The following WWC1 variants were observed in gnomAD, a reference collection of about 807,000 sequenced individuals.
WWC1 encodes protein KIBRA.
WWC1 carries 55 observed loss-of-function variants against 138.4 expected under a neutral mutation model. The ratio of observed to expected loss-of-function variants is 0.40; its 90% CI spans 0.32 to 0.50. The LOEUF (loss-of-function observed/expected upper bound fraction) is 0.50. WWC1 is among the 20% of genes least tolerant of loss of function. The probability of loss-of-function intolerance (pLI) is 0.72; values close to 1 mark genes in which losing one functional copy is unlikely to be tolerated. For missense variants in WWC1, 1,226 were observed against 1,420.4 expected (o/e 0.86, Z 2.20); for synonymous variants, 524 against 564.9 (o/e 0.93, Z 1.03).
intron 6 of WWC1, among the ~76,000 whole-genome samples, chr5:168,407,320 C>T (rs1310949861): frequency 6.7e-6 from 1 of 149,280 alleles, no homozygotes; most frequent in East Asian, 1.9e-4. Context: ...CCCCATCCTA[C>T]AGAAAAAAGA....
intron 20 of WWC1, 146 bp downstream of exon 20, chr5:168,460,888 A>G (rs1266475859): frequency 1.2e-6 from 1 of 805,010 alleles, no homozygotes; most frequent in Non-Finnish European, 2.0e-6. Context: ...GCATTTGCGA[A>G]CAGATGTTTG....
intron 8 of WWC1, among the ~76,000 whole-genome samples, chr5:168,410,946 T>TTTTTTTTTTTTTTG (rs1359721305): frequency 6.8e-6 from 1 of 148,062 alleles, no homozygotes. Context: ...TTTTTTTTTT[T>TTTTTTTTTTTTTTG]TTTTTTGAGA....
At chr5:168,310,972 A>AG (rs1463027863) in intron 1 of WWC1, among the ~76,000 whole-genome samples, 1 of 152,252 alleles carries the variant, frequency 6.6e-6, no homozygotes, top group Non-Finnish European at 1.5e-5. Flanking sequence ...AACTGAATAA[A>AG]TAAAGTAAAG....
intron 15 of WWC1, among the ~76,000 whole-genome samples, chr5:168,432,341 C>T (rs951895676): frequency 1.3e-5 from 2 of 152,150 alleles, no homozygotes; most frequent in African/African-American, 2.4e-5. Flanking sequence ...TGACCTTCTC[C>T]GGCTTCCATC....
chr5:168,425,743 C>T (rs145016664), intron 11 of WWC1, among the ~76,000 whole-genome samples: 4,981 of 152,096 alleles, frequency 0.033, 120 homozygotes, highest in Middle Eastern at 0.061. Flanking sequence ...AGTTGATCCA[C>T]CCACCTTGGC....
chr5:168,305,584 C>T (rs1421108250), intron 1 of WWC1, among the ~76,000 whole-genome samples: 1 of 152,112 alleles, frequency 6.6e-6, no homozygotes, highest in Non-Finnish European at 1.5e-5. Context: ...CTGTTTCTGG[C>T]CCTTCCTCTT....
chr5:168,355,494 C>CA (rs564674062), intron 1 of WWC1, among the ~76,000 whole-genome samples: 2,104 of 66,098 alleles, frequency 0.032, 71 homozygotes, highest in Non-Finnish European at 0.037. Flanking sequence ...GACTCCGTCT[C>CA]AAAAAAAAAA....
chr5:168,371,162 C>T (rs1485492060), intron 1 of WWC1, among the ~76,000 whole-genome samples: 1 of 152,166 alleles, frequency 6.6e-6, no homozygotes, highest in African/African-American at 2.4e-5. Context: ...TTGACTTGCT[C>T]CAGTCACTTC....
intron 22 of WWC1, among the ~76,000 whole-genome samples, chr5:168,468,464 T>C (rs1757481106): frequency 6.6e-6 from 1 of 151,678 alleles, no homozygotes; most frequent in Admixed American, 6.6e-5. Flanking sequence ...TGATGTCCTC[T>C]CAAACAAGGT....
intron 20 of WWC1, 103 bp from the exon 21 acceptor site, chr5:168,464,626 G>A (rs1582396505): frequency 6.6e-7 from 1 of 1,508,248 alleles, no homozygotes; most frequent in Admixed American, 2.2e-5. Flanking sequence ...TTCGGAAGGA[G>A]TGGATGCCTA....
rs772769633 is a variant in WWC1 at position 168,371,409 on chromosome 5, C to A, written c.120-15C>A. On this transcript the variant is annotated splice_polypyrimidine_tract_variant and intron_variant, in intron 1 of 22. Coordinates refer to ENST00000265293, the MANE Select transcript of WWC1 (RefSeq NM_015238.3). ...CTGTAGGCTGATGGAGTCTGTTTCT[C>A]CTCTCCCTTGCCAGGTACACCAAAC... The A allele has an allele frequency of 1.1e-5, 18 of 1,605,340 alleles. No individual in the cohort carries two copies. In the South Asian group the frequency reaches 2.0e-4, roughly 18 times the overall value.
At chr5:168,394,326 T>C (rs970659911) in intron 3 of WWC1, among the ~76,000 whole-genome samples, 2 of 152,226 alleles carry the variant, frequency 1.3e-5, no homozygotes, top group African/African-American at 2.4e-5. Flanking sequence ...CCTCAAACTA[T>C]GTTGGACTGT....
intron 1 of WWC1, among the ~76,000 whole-genome samples, chr5:168,330,795 A>C (rs545893652): frequency 1.3e-5 from 2 of 152,144 alleles, no homozygotes; most frequent in Non-Finnish European, 2.9e-5. Context: ...GCAATTGAGG[A>C]AGCCAGAGGT....
At chr5:168,389,948 A>G (rs1353925024) in intron 3 of WWC1, among the ~76,000 whole-genome samples, 1 of 152,182 alleles carries the variant, frequency 6.6e-6, no homozygotes, top group East Asian at 1.9e-4. Flanking sequence ...TGCCCAAACC[A>G]CTGGTCTAGG....
Position 168,414,460 on chromosome 5 carries a change from A to T in WWC1, c.1054A>T (p.Lys352Ter). ...TATCAACGAGAAGGAGGAGCTGCTGAAGGAGATGCGCTTCATCAGCCCCCG... is the reference window on the plus strand; with the variant it reads ...TATCAACGAGAAGGAGGAGCTGCTGTAGGAGATGCGCTTCATCAGCCCCCG... ...ILINEKEELLKEMRFISPRKW... is the reference protein window; with the variant it reads ...ILINEKEELL The change falls in exon 9 of 23, where the codon AAG (lysine) becomes TAG (stop). Residue 352 changes from lysine (K) to a stop codon, truncating the protein, a stop_gained. Transcript: ENST00000265293. LOFTEE classifies it high-confidence loss of function. 6.4e-7 allele frequency: 1 copy of T among 1,574,032 alleles called. No homozygotes were observed. The highest frequency in any genetic ancestry group is 8.6e-7 in the Non-Finnish European group (1 of 1,158,844).
chr5:168,338,215 G>A (rs1773667431), intron 1 of WWC1, among the ~76,000 whole-genome samples: 1 of 151,448 alleles, frequency 6.6e-6, no homozygotes, highest in East Asian at 2.0e-4. Flanking sequence ...GGAACCTGAG[G>A]CAGGAGAATC....
chr5:168,294,538 C>G (rs1014827852), intron 1 of WWC1, among the ~76,000 whole-genome samples: 1 of 147,672 alleles, frequency 6.8e-6, no homozygotes. Context: ...CATGGAGAGG[C>G]GGCAGAAACA....
At chr5:168,391,403 G>A (rs1282251783) in intron 3 of WWC1, among the ~76,000 whole-genome samples, 1 of 152,180 alleles carries the variant, frequency 6.6e-6, no homozygotes, top group East Asian at 1.9e-4. Context: ...GCTCACGCCT[G>A]TAATCCCAGC....
rs116254225 is a variant in WWC1 at position 168,332,508 on chromosome 5, T to G, written c.120-38916T>G. On this transcript the variant is annotated intron_variant, in intron 1 of 22. Transcript: ENST00000265293. ...AATATGTGTATGTATTTGATCAGCA[T>G]GTATATGTGTTTTTGTGTGCACATG... 1.5e-3 allele frequency among the ~76,000 whole-genome samples: 236 copies of G among 152,336 alleles called. 1 individual carries two copies. The highest frequency in any genetic ancestry group is 3.4e-3 in the Middle Eastern group (1 of 294).
Sources: allele counts gnomAD v4.1 joint callset (sites outside exome capture counted in the v4.1 genomes callset), GRCh38; gene constraint gnomAD v4.1.1; transcripts MANE v1.5; gene names NCBI Gene and HGNC (gene_info 2026-07-23, HGNC 2026-07-21).